Variants in MSRA observed in about 807,000 individuals in gnomAD.
MSRA encodes mitochondrial peptide methionine sulfoxide reductase.
Under a neutral mutation model 31.3 loss-of-function variants are expected in MSRA, and 54 were observed. The observed-to-expected ratio is 1.73, with a 90% CI of 1.39 to 2.17. MSRA has a LOEUF of 2.17. MSRA is among the 30% of genes most tolerant of loss of function. MSRA has a pLI of 0.00. For synonymous variants in MSRA, 169 were observed against 116.5 expected, an observed-to-expected ratio of 1.45 and a Z score of -2.90; for missense variants, 507 against 300.9, an observed-to-expected ratio of 1.69 and a Z score of -5.07.
chr8:10,375,765 G>A (rs1805722966), intron 5 of MSRA, among the ~76,000 whole-genome samples: 1 of 152,222 alleles, frequency 6.6e-6, no homozygotes, highest in East Asian at 1.9e-4. Context: ...TTGAAACCAA[G>A]TGGTCGAGAC....
At chr8:10,289,110 G>C (rs1470273419) in intron 3 of MSRA, among the ~76,000 whole-genome samples, 4 of 151,926 alleles carry the variant, frequency 2.6e-5, no homozygotes, top group African/African-American at 9.7e-5. Context: ...CTGCCTCCCA[G>C]GTTCAAGCCA....
chr8:10,155,417 A>T (rs188145985), intron 1 of MSRA, among the ~76,000 whole-genome samples: 1 of 152,200 alleles, frequency 6.6e-6, no homozygotes, highest in Non-Finnish European at 1.5e-5. Context: ...GGTTGTATCA[A>T]CTGAAGAGCC....
chr8:10,384,419 C>T (rs956518818), intron 5 of MSRA, among the ~76,000 whole-genome samples: 1 of 152,234 alleles, frequency 6.6e-6, no homozygotes, highest in African/African-American at 2.4e-5. Context: ...CTGGGCCACA[C>T]GAAGCCTCTT....
Position 10,199,725 on chromosome 8 carries a change from A to G in MSRA, c.143-8108A>G, listed in dbSNP as rs370195843. 2.0e-5 allele frequency among the ~76,000 whole-genome samples: 3 copies of G among 152,188 alleles called. No homozygotes were observed. In the South Asian group the frequency reaches 6.2e-4, roughly 32 times the overall value. ...AGAAGGAAGAATGCCCTCTATTTGCATAATGCTTTATTCTATTAAAAATGT... is the reference window on the plus strand; with the variant it reads ...AGAAGGAAGAATGCCCTCTATTTGCGTAATGCTTTATTCTATTAAAAATGT... On this transcript the variant is annotated intron_variant, in intron 1 of 5. Transcript: ENST00000317173.
chr8:10,111,817 C>T (rs11783851), intron 1 of MSRA, among the ~76,000 whole-genome samples: 29,902 of 152,064 alleles, frequency 0.2, 4,057 homozygotes, highest in East Asian at 0.55. Flanking sequence ...GAGATGGTCA[C>T]ACACGCTGTC....
At chr8:10,362,014 C>T (rs190507946) in intron 5 of MSRA, among the ~76,000 whole-genome samples, 9 of 152,090 alleles carry the variant, frequency 5.9e-5, no homozygotes, top group Admixed American at 5.2e-4. Context: ...ATTTTGTTTT[C>T]GTCTTTTGGC....
intron 1 of MSRA, among the ~76,000 whole-genome samples, chr8:10,098,426 A>G (rs1799315825): frequency 6.6e-6 from 1 of 152,306 alleles, no homozygotes. Context: ...GCGTTAGTCC[A>G]GTATTTTATA....
intron 5 of MSRA, among the ~76,000 whole-genome samples, chr8:10,352,329 C>T (rs957829473): frequency 6.6e-6 from 1 of 152,094 alleles, no homozygotes; most frequent in Non-Finnish European, 1.5e-5. Flanking sequence ...TATGTGTACC[C>T]TATGAGAAAT....
At chr8:10,079,533 G>A (rs568439044) in intron 1 of MSRA, among the ~76,000 whole-genome samples, 1 of 152,160 alleles carries the variant, frequency 6.6e-6, no homozygotes, top group Non-Finnish European at 1.5e-5. Context: ...CAGCCATGAC[G>A]TGAGCTCCTG....
intron 5 of MSRA, among the ~76,000 whole-genome samples, chr8:10,412,840 A>C (rs1224444215): frequency 6.6e-6 from 1 of 152,244 alleles, no homozygotes; most frequent in African/African-American, 2.4e-5. Context: ...AATGACACAG[A>C]GCAATGGGAA....
chr8:10,110,569 C>G (rs561911547), intron 1 of MSRA, among the ~76,000 whole-genome samples: 1 of 152,296 alleles, frequency 6.6e-6, no homozygotes, highest in East Asian at 1.9e-4. Context: ...GTTTTCTGTA[C>G]TTTTTCACAG....
intron 1 of MSRA, among the ~76,000 whole-genome samples, chr8:10,075,393 G>GC (rs1225203250): frequency 6.6e-6 from 1 of 152,150 alleles, no homozygotes; most frequent in Admixed American, 6.5e-5. Context: ...TTACCTTCTA[G>GC]CACAAACATC....
chr8:10,222,395 C>A (rs188620438), intron 2 of MSRA, among the ~76,000 whole-genome samples: 2 of 152,102 alleles, frequency 1.3e-5, no homozygotes, highest in African/African-American at 2.4e-5. Flanking sequence ...TGAGGACTCT[C>A]ACTGTTGGTG....
chr8:10,281,435 G>A lies in MSRA; in HGVS notation c.332-20099G>A, dbSNP rs888239496. Among the ~76,000 whole-genome samples the A allele has an allele frequency of 3.3e-5, 5 of 152,186 alleles. No individual in the cohort carries two copies. In the East Asian group the frequency reaches 9.6e-4, roughly 29 times the overall value. On this transcript the variant is annotated intron_variant, in intron 3 of 5. Transcript: ENST00000317173. ...AATTTTCCAGTTCCCACCCTCATAG[G>A]TAATCATCTATAAACCCACTGGGAT...
chr8:10,126,764 T>C (rs1801529694), intron 1 of MSRA, among the ~76,000 whole-genome samples: 1 of 152,250 alleles, frequency 6.6e-6, no homozygotes, highest in East Asian at 1.9e-4. Context: ...TCCACTCGCC[T>C]TGGTCTCCCA....
intron 1 of MSRA, among the ~76,000 whole-genome samples, chr8:10,073,039 A>T (rs1012567661): frequency 4.6e-5 from 7 of 152,154 alleles, no homozygotes; most frequent in Admixed American, 4.6e-4. Context: ...ATCACCTGGA[A>T]GTAGAGTTTT....
chr8:10,221,190 C>G (rs1563234297), intron 2 of MSRA, among the ~76,000 whole-genome samples: 1 of 152,184 alleles, frequency 6.6e-6, no homozygotes, highest in Non-Finnish European at 1.5e-5. Flanking sequence ...GCTGCCAAGA[C>G]ATAGGTCTGC....
At chr8:10,316,741 C>T (rs1401332849) in intron 4 of MSRA, among the ~76,000 whole-genome samples, 1 of 152,122 alleles carries the variant, frequency 6.6e-6, no homozygotes, top group Non-Finnish European at 1.5e-5. Context: ...TAGGGCTTGT[C>T]TCAAACACCT....
At chr8:10,158,748 A>G (rs926610874) in intron 1 of MSRA, among the ~76,000 whole-genome samples, 8 of 152,206 alleles carry the variant, frequency 5.3e-5, no homozygotes, top group Non-Finnish European at 1.0e-4. Context: ...ATATGTATCT[A>G]GGAATGGAAT....
Sources: gnomAD v4.1 joint callset for allele counts (sites outside exome capture counted in the v4.1 genomes callset) on GRCh38, gnomAD v4.1.1 for gene constraint, MANE v1.5 for transcripts, NCBI Gene and HGNC (gene_info 2026-07-23, HGNC 2026-07-21) for gene names.